The following CPNE4 variants were observed in gnomAD, a reference collection of about 807,000 sequenced individuals.
CPNE4 encodes the protein copine 4.
In CPNE4, 25 loss-of-function variants were observed where a neutral mutation model predicts 67.9. The observed-to-expected ratio is 0.37, with a 90% CI of 0.27 to 0.51. The LOEUF is 0.51. Ranked by LOEUF, CPNE4 falls within the 20% of genes least tolerant of loss-of-function variation. The pLI, the probability that CPNE4 is intolerant of heterozygous loss-of-function variation, is 0.93. For synonymous variants in CPNE4, 242 were observed against 244.9 expected (o/e 0.99, Z 0.11); for missense variants, 464 against 690.8 (o/e 0.67, Z 3.68).
intron 3 of CPNE4, among the ~76,000 whole-genome samples, chr3:131,709,085 T>C (rs1194139803): frequency 6.7e-6 from 1 of 149,656 alleles, no homozygotes; most frequent in Non-Finnish European, 1.5e-5. Context: ...AGTGGACACA[T>C]TACATGAATT....
At chr3:131,769,395 A>G (rs2083107726) in intron 2 of CPNE4, among the ~76,000 whole-genome samples, 1 of 152,184 alleles carries the variant, frequency 6.6e-6, no homozygotes, top group Non-Finnish European at 1.5e-5. Flanking sequence ...ATTTAACTGT[A>G]TTAAACCTAA....
chr3:132,025,903 T>G (rs889639283), intron 1 of CPNE4, among the ~76,000 whole-genome samples: 4 of 152,154 alleles, frequency 2.6e-5, no homozygotes, highest in African/African-American at 9.7e-5. Flanking sequence ...TGGAGCACAT[T>G]TGAGGTGAGG....
chr3:131,725,698 G>A (rs907418588), intron 2 of CPNE4, among the ~76,000 whole-genome samples: 1 of 152,164 alleles, frequency 6.6e-6, no homozygotes, highest in Admixed American at 6.5e-5. Context: ...GGGATAAGCT[G>A]ACTTGAAGGT....
intron 2 of CPNE4, among the ~76,000 whole-genome samples, chr3:131,879,499 T>G (rs1486872666): frequency 6.6e-6 from 1 of 152,180 alleles, no homozygotes; most frequent in Non-Finnish European, 1.5e-5. Context: ...TTATTCTTTA[T>G]TCAAAGGATT....
At chr3:131,906,517 C>A (rs573096538) in intron 1 of CPNE4, among the ~76,000 whole-genome samples, 1 of 149,964 alleles carries the variant, frequency 6.7e-6, no homozygotes, top group Non-Finnish European at 1.5e-5. Flanking sequence ...GTTTTTTGTT[C>A]TTGCGATAGT....
Position 131,905,454 on chromosome 3 carries a change from G to A in CPNE4, c.-1-10C>T, listed in dbSNP as rs2088709840. On this transcript the variant is annotated splice_polypyrimidine_tract_variant and intron_variant, in intron 1 of 15. Transcript: ENST00000429747. ...GCTCATCTTCTTCATTCTGTTTTAG[G>A]CAAGTAAAAGAATAAAAAAGAAGTG... The A allele has an allele frequency of 6.2e-7, 1 of 1,603,220 alleles. No individual in the cohort carries two copies.
At chr3:132,001,615 G>GAAAGAAAGAA in intron 1 of CPNE4, among the ~76,000 whole-genome samples, 1 of 146,826 alleles carries the variant, frequency 6.8e-6, no homozygotes, top group Admixed American at 6.8e-5. Context: ...AAGAAAGAAA[G>GAAAGAAAGAA]AAAATGAAGA....
intron 6 of CPNE4, among the ~76,000 whole-genome samples, chr3:131,670,171 T>G (rs1362190030): frequency 6.6e-6 from 1 of 152,300 alleles, no homozygotes; most frequent in East Asian, 1.9e-4. Context: ...GTAAAGACTC[T>G]TAGTAGGGTG....
chr3:131,833,145 C>G (rs963922410), intron 2 of CPNE4, among the ~76,000 whole-genome samples: 2 of 152,140 alleles, frequency 1.3e-5, no homozygotes, highest in Admixed American at 6.5e-5. Flanking sequence ...TCTGCTGACA[C>G]CTTGACCTTA....
At chr3:131,552,595 T>C (rs2251178) in intron 12 of CPNE4, 104 bp from the exon 13 acceptor site, 208,435 of 816,246 alleles carry the variant, frequency 0.26, 34,042 homozygotes, top group African/African-American at 0.7. Context: ...ATGCCCATTA[T>C]ATTCATTATG....
intron 1 of CPNE4, among the ~76,000 whole-genome samples, chr3:131,959,273 T>C (rs61793597): frequency 0.58 from 38,878 of 66,516 alleles, 13,052 homozygotes; most frequent in Admixed American, 0.67. Flanking sequence ...GTGCTGGGAT[T>C]ACAGGCGTGA....
chr3:131,659,729 G>A (rs1315040000), intron 7 of CPNE4, among the ~76,000 whole-genome samples: 1 of 152,174 alleles, frequency 6.6e-6, no homozygotes, highest in East Asian at 1.9e-4. Context: ...AGGAAGGACT[G>A]TACCCTTTGC....
intron 1 of CPNE4, among the ~76,000 whole-genome samples, chr3:131,978,448 ATATATATATT>A (rs2072792959): frequency 5.1e-4 from 1 of 1,968 alleles, no homozygotes; most frequent in Non-Finnish European, 9.7e-4. Context: ...ATATATATTT[ATATATATATT>A]TATATATATT....
intron 1 of CPNE4, among the ~76,000 whole-genome samples, chr3:131,916,564 G>A (rs1055299034): frequency 1.3e-5 from 2 of 152,120 alleles, no homozygotes; most frequent in Non-Finnish European, 2.9e-5. Flanking sequence ...ACAACATGGT[G>A]TGTTTTGGGA....
At chr3:131,690,621 T>C (rs2081012306) in intron 5 of CPNE4, among the ~76,000 whole-genome samples, 1 of 152,182 alleles carries the variant, frequency 6.6e-6, no homozygotes. Flanking sequence ...ATTCTGGATG[T>C]TGGCCTTGGC....
intron 3 of CPNE4, among the ~76,000 whole-genome samples, chr3:131,712,642 T>C (rs547352108): frequency 6.6e-6 from 1 of 152,326 alleles, no homozygotes; most frequent in Non-Finnish European, 1.5e-5. Flanking sequence ...ATTTCGTGAA[T>C]TGGCTTTTTG....
At chr3:131,716,349 G>A (rs1171875079) in intron 3 of CPNE4, among the ~76,000 whole-genome samples, 6 of 151,772 alleles carry the variant, frequency 4.0e-5, no homozygotes, top group Admixed American at 6.6e-5. Context: ...CCACAGTTAA[G>A]GCCCAAATTA....
chr3:131,792,641 ATATATG>A (rs1560321467), intron 2 of CPNE4, among the ~76,000 whole-genome samples: 14 of 73,958 alleles, frequency 1.9e-4, no homozygotes, highest in African/African-American at 6.7e-4. Flanking sequence ...ACACACGTGT[ATATATG>A]TATATATACA....
chr3:132,014,813 T>A lies in CPNE4; in HGVS notation c.-2+19754A>T, dbSNP rs141034786. Reference sequence around the variant, plus strand: ...TTTTAATTATTTTAGTATTATATACTTCCAAAGTCATTGTATCATGTTAGG... The same window carrying A: ...TTTTAATTATTTTAGTATTATATACATCCAAAGTCATTGTATCATGTTAGG... On this transcript the variant is annotated intron_variant, in intron 1 of 15. Transcript: ENST00000429747. 3.6e-3 allele frequency among the ~76,000 whole-genome samples: 551 copies of A among 152,342 alleles called. 4 individuals carry two copies. The highest frequency in any genetic ancestry group is 0.013 in the African/African-American group (521 of 41,582).
Sources: allele counts gnomAD v4.1 joint callset (sites outside exome capture counted in the v4.1 genomes callset), GRCh38; gene constraint gnomAD v4.1.1; transcripts MANE v1.5; gene names NCBI Gene and HGNC (gene_info 2026-07-23, HGNC 2026-07-21).